ULK4: variants seen among roughly 807,000 people sequenced by gnomAD.
The protein encoded by ULK4 is unc-51 like kinase 4.
A neutral mutation model predicts 160.6 loss-of-function variants in ULK4; 133 were observed. That is an observed-to-expected ratio of 0.83 (90% confidence interval 0.72 to 0.96). ULK4 has a LOEUF of 0.96. ULK4 is among the 40% of genes least tolerant of loss of function. The pLI, the probability that ULK4 is intolerant of heterozygous loss-of-function variation, is 0.00. For synonymous variants in ULK4, 534 were observed against 539.8 expected, an observed-to-expected ratio of 0.99 and a Z score of 0.15; for missense variants, 1,580 against 1,499.5, an observed-to-expected ratio of 1.05 and a Z score of -0.89.
At chr3:41,258,094 G>A (rs148811574) in intron 35 of ULK4, among the ~76,000 whole-genome samples, 15 of 152,244 alleles carry the variant, frequency 9.9e-5, no homozygotes, top group African/African-American at 3.4e-4. Context: ...CTCTTAGGCC[G>A]CTGAAGGTTG....
At chr3:41,435,148 A>C (rs2083005681) in intron 34 of ULK4, among the ~76,000 whole-genome samples, 2 of 152,220 alleles carry the variant, frequency 1.3e-5, no homozygotes, top group Admixed American at 6.5e-5. Context: ...GAAATAGCTT[A>C]AGCAAGCAAT....
intron 29 of ULK4, among the ~76,000 whole-genome samples, chr3:41,676,692 T>C (rs1295869327): frequency 6.6e-6 from 1 of 152,142 alleles, no homozygotes; most frequent in Non-Finnish European, 1.5e-5. Context: ...TTTCCAACAA[T>C]TAGAAACATG....
At chr3:41,378,857 A>G (rs760145541) in intron 35 of ULK4, among the ~76,000 whole-genome samples, 1 of 152,062 alleles carries the variant, frequency 6.6e-6, no homozygotes, top group Non-Finnish European at 1.5e-5. Context: ...CATTTACACC[A>G]TGGAATACTA....
At chr3:41,512,596 T>C (rs776148414) in intron 32 of ULK4, among the ~76,000 whole-genome samples, 1 of 152,098 alleles carries the variant, frequency 6.6e-6, no homozygotes, top group African/African-American at 2.4e-5. Context: ...CAAGGAAAAC[T>C]ACAAAACACT....
intron 36 of ULK4, among the ~76,000 whole-genome samples, chr3:41,248,147 C>A (rs1341124403): frequency 1.3e-5 from 2 of 152,168 alleles, no homozygotes; most frequent in African/African-American, 4.8e-5. Context: ...AGACCCATAG[C>A]GCAGGTGCCT....
chr3:41,349,588 A>C (rs1159435462), intron 35 of ULK4, among the ~76,000 whole-genome samples: 1 of 152,204 alleles, frequency 6.6e-6, no homozygotes, highest in African/African-American at 2.4e-5. Context: ...TAGCAGAATT[A>C]CTACGAGTAG....
At position 41,663,623 on chromosome 3, in the gene ULK4, T is replaced by A. The variant is rs754178892; in HGVS notation, c.3055A>T (p.Asn1019Tyr). 3.1e-6 allele frequency: 5 copies of A among 1,613,904 alleles called. No homozygotes were observed. The highest frequency in any genetic ancestry group is 4.2e-6 in the Non-Finnish European group (5 of 1,179,814). The change falls in exon 30 of 37, where the codon AAC becomes TAC. Residue 1019 changes from asparagine to tyrosine, a missense_variant. Asn to Tyr is a moderately radical substitution (Grantham distance 143). Transcript: ENST00000301831. ...LKLLVAMTEH[N>Y]PTFTRLVEES... is the part of the protein sequence containing the mutation. ...TTCCAGTACCTTGTGAAAGTTGGGT[T>A]GTGTTCAGTCATCGCGACTAGCAGT...
intron 32 of ULK4, among the ~76,000 whole-genome samples, chr3:41,471,430 G>GAAAAATCAT (rs1214503818): frequency 6.6e-6 from 1 of 152,072 alleles, no homozygotes; most frequent in Non-Finnish European, 1.5e-5. Context: ...TATAGCAATG[G>GAAAAATCAT]AAAAATCATC....
chr3:41,666,668 C>G (rs189741869), intron 29 of ULK4, among the ~76,000 whole-genome samples: 19 of 152,232 alleles, frequency 1.2e-4, no homozygotes, highest in Admixed American at 5.9e-4. Flanking sequence ...AAGGACGGAC[C>G]CACAAGCCTA....
chr3:41,479,857 T>C (rs1329347305), intron 32 of ULK4, among the ~76,000 whole-genome samples: 1 of 152,214 alleles, frequency 6.6e-6, no homozygotes, highest in Non-Finnish European at 1.5e-5. Flanking sequence ...TTTTTCATTT[T>C]TCCTTATCAT....
intron 32 of ULK4, among the ~76,000 whole-genome samples, chr3:41,516,308 T>A (rs544689676): frequency 6.6e-6 from 1 of 152,204 alleles, no homozygotes; most frequent in Non-Finnish European, 1.5e-5. Context: ...GAGTCAATAC[T>A]GTACTTTCTG....
At chr3:41,517,478 C>T (rs2085789157) in intron 32 of ULK4, among the ~76,000 whole-genome samples, 2 of 152,152 alleles carry the variant, frequency 1.3e-5, no homozygotes, top group African/African-American at 4.8e-5. Flanking sequence ...ATCTTGGAAG[C>T]AGAGAGCAGC....
At chr3:41,469,624 A>AAAAC (rs1559625845) in intron 32 of ULK4, among the ~76,000 whole-genome samples, 2 of 148,888 alleles carry the variant, frequency 1.3e-5, no homozygotes, top group Non-Finnish European at 3.0e-5. Context: ...AAAAAAAAAA[A>AAAAC]AAACACCTTA....
chr3:41,469,482 A>T (rs979126712), intron 32 of ULK4, among the ~76,000 whole-genome samples: 1 of 151,748 alleles, frequency 6.6e-6, no homozygotes, highest in African/African-American at 2.4e-5. Flanking sequence ...ATCAAAATTG[A>T]GAGCAAAGGC....
intron 17 of ULK4, among the ~76,000 whole-genome samples, chr3:41,850,897 G>C (rs539458845): frequency 1.3e-5 from 2 of 152,256 alleles, no homozygotes; most frequent in South Asian, 4.2e-4. Context: ...CCTATGTCCT[G>C]AATGGTATTG....
chr3:41,325,774 C>T (rs1332853639), intron 35 of ULK4, among the ~76,000 whole-genome samples: 2 of 151,852 alleles, frequency 1.3e-5, no homozygotes, highest in African/African-American at 4.8e-5. Flanking sequence ...AAAATATCAG[C>T]CAGGCATGGT....
intron 32 of ULK4, among the ~76,000 whole-genome samples, chr3:41,471,428 T>C (rs182159653): frequency 1.9e-4 from 29 of 152,264 alleles, no homozygotes; most frequent in African/African-American, 6.5e-4. Flanking sequence ...CTTATAGCAA[T>C]GGAAAAATCA....
At chr3:41,508,572 A>G (rs529919711) in intron 32 of ULK4, among the ~76,000 whole-genome samples, 233 of 151,878 alleles carry the variant, frequency 1.5e-3, no homozygotes, top group African/African-American at 5.3e-3. Context: ...GGCCCACTTC[A>G]CTCCCCTGCT....
chr3:41,586,385 G>A (rs1032421868), intron 31 of ULK4, among the ~76,000 whole-genome samples: 41 of 152,128 alleles, frequency 2.7e-4, no homozygotes, highest in Admixed American at 3.3e-4. Context: ...AGTGAAATAA[G>A]CCAGTCACAA....
Sources: gnomAD v4.1 joint callset for allele counts (sites outside exome capture counted in the v4.1 genomes callset) on GRCh38, gnomAD v4.1.1 for gene constraint, MANE v1.5 for transcripts, NCBI Gene and HGNC (gene_info 2026-07-23, HGNC 2026-07-21) for gene names.